Variants in GOLM2 observed in about 807,000 individuals in gnomAD.
GOLM2 encodes the protein protein GOLM2.
In GOLM2, 26 loss-of-function variants were observed where a neutral mutation model predicts 55.9. That is an observed-to-expected ratio of 0.47 (90% confidence interval 0.34 to 0.65). GOLM2 has a LOEUF of 0.65. Among genes scored for constraint, GOLM2 ranks in the 30% least tolerant of loss-of-function variants. GOLM2 has a pLI of 0.01. For synonymous variants in GOLM2, 165 were observed against 194.6 expected (o/e 0.85, Z 1.27); for missense variants, 486 against 531.8 (o/e 0.91, Z 0.85).
Position 44,328,776 on chromosome 15 carries a change from A to G in GOLM2, c.474A>G (p.Leu158=), listed in dbSNP as rs905433042. 1 of 1,597,726 alleles carries G rather than the reference A, an allele frequency of 6.3e-7. No individual in the cohort carries two copies. Among genetic ancestry groups the G allele is most frequent in the Non-Finnish European group, 8.5e-7 (1 of 1,171,564 alleles). ...ACAATACTTACCTTGTGAAGAGGTT[A>G]GAATATGAAAGGTAAGATGTTACAT... ...RKNNTYLVKR[L]EYESFQCGQQ... is the part of the protein sequence containing the mutation. Residue 158 remains leucine, a synonymous_variant, in exon 3 of 10, where the codon TTA becomes TTG. Transcript: ENST00000299957.
At chr15:44,412,706 G>T (rs964864216) in intron 9 of GOLM2, among the ~76,000 whole-genome samples, 1 of 151,998 alleles carries the variant, frequency 6.6e-6, no homozygotes, top group Non-Finnish European at 1.5e-5. Context: ...CATCTATATA[G>T]AAATAATATA....
At chr15:44,336,821 C>T (rs370974125) in intron 4 of GOLM2, among the ~76,000 whole-genome samples, 1 of 151,984 alleles carries the variant, frequency 6.6e-6, no homozygotes, top group South Asian at 2.1e-4. Flanking sequence ...GAGGCTAAGG[C>T]AGGAGAATGG....
intron 6 of GOLM2, among the ~76,000 whole-genome samples, chr15:44,366,963 T>A (rs1595651927): frequency 6.6e-6 from 1 of 152,262 alleles, no homozygotes; most frequent in East Asian, 1.9e-4. Context: ...GAGGAAAAAA[T>A]TAAGCTATAA....
chr15:44,402,965 G>A lies in GOLM2; in HGVS notation c.1151G>A (p.Gly384Asp), dbSNP rs1595669025. Residue 384 changes from glycine (G) to aspartate (D), a missense_variant, in exon 9 of 10, where the codon GGT (glycine) becomes GAT (aspartate). Coordinates refer to ENST00000299957, the MANE Select transcript of GOLM2 (RefSeq NM_138423.4). Reference sequence around the variant, plus strand: ...CTGGCGGATTATAATGGGGATGATGGTAACGTAGGTGAGTATGAGGCAGAC... The same window carrying A: ...CTGGCGGATTATAATGGGGATGATGATAACGTAGGTGAGTATGAGGCAGAC... The part of the protein sequence containing the change: ...SKLADYNGDD[G>D]NVGEYEADKQ... 3 of 1,614,034 alleles carry A rather than the reference G, an allele frequency of 1.9e-6. No individual in the cohort carries two copies. The highest frequency in any genetic ancestry group is 2.7e-5 in the African/African-American group (2 of 75,006).
intron 6 of GOLM2, among the ~76,000 whole-genome samples, chr15:44,340,556 C>T (rs2079084707): frequency 6.6e-6 from 1 of 152,206 alleles, no homozygotes; most frequent in South Asian, 2.1e-4. Context: ...TGGTGCCTAG[C>T]TGTAATTCGG....
intron 8 of GOLM2, among the ~76,000 whole-genome samples, chr15:44,389,569 C>T (rs1050432423): frequency 6.6e-6 from 1 of 152,016 alleles, no homozygotes; most frequent in Non-Finnish European, 1.5e-5. Context: ...GCACTTGATA[C>T]TCTGTAGGTA....
At chr15:44,343,890 C>A (rs1292198928) in intron 6 of GOLM2, among the ~76,000 whole-genome samples, 1 of 150,986 alleles carries the variant, frequency 6.6e-6, no homozygotes, top group Non-Finnish European at 1.5e-5. Flanking sequence ...TATATACTGA[C>A]AGTTTTGTTT....
At chr15:44,349,522 A>C (rs2079147706) in intron 6 of GOLM2, among the ~76,000 whole-genome samples, 1 of 152,190 alleles carries the variant, frequency 6.6e-6, no homozygotes, top group African/African-American at 2.4e-5. Context: ...GAGAAAGATA[A>C]ATTTCAATAC....
At chr15:44,325,148 C>T (rs1447737070) in intron 2 of GOLM2, among the ~76,000 whole-genome samples, 1 of 152,054 alleles carries the variant, frequency 6.6e-6, no homozygotes, top group East Asian at 1.9e-4. Context: ...GCCTAGTATC[C>T]ATCAGTTATT....
chr15:44,323,226 A>G (rs2078962978), intron 2 of GOLM2, among the ~76,000 whole-genome samples: 1 of 152,084 alleles, frequency 6.6e-6, no homozygotes, highest in Non-Finnish European at 1.5e-5. Context: ...AAAATTTGAG[A>G]TCTGTGTCTT....
chr15:44,320,396 T>C (rs1252899751), intron 1 of GOLM2, among the ~76,000 whole-genome samples: 1 of 152,212 alleles, frequency 6.6e-6, no homozygotes, highest in East Asian at 1.9e-4. Flanking sequence ...ACTCCTGGGC[T>C]CAAGTGATCC....
intron 8 of GOLM2, among the ~76,000 whole-genome samples, chr15:44,397,923 T>A (rs928251709): frequency 3.9e-5 from 6 of 152,208 alleles, no homozygotes; most frequent in African/African-American, 1.4e-4. Context: ...CTCTTTCTGC[T>A]CCATTATGAC....
intron 1 of GOLM2, among the ~76,000 whole-genome samples, chr15:44,291,375 C>A (rs1033953664): frequency 2.0e-5 from 3 of 152,146 alleles, no homozygotes; most frequent in Non-Finnish European, 4.4e-5. Context: ...CTGTATATTC[C>A]TTTCTCCCAA....
chr15:44,376,658 G>A (rs1486406014), intron 6 of GOLM2, among the ~76,000 whole-genome samples: 1 of 152,132 alleles, frequency 6.6e-6, no homozygotes, highest in Non-Finnish European at 1.5e-5. Flanking sequence ...GTATACACAA[G>A]TATCTCCTAT....
chr15:44,411,884 T>C (rs964730791), intron 9 of GOLM2, among the ~76,000 whole-genome samples: 2 of 151,638 alleles, frequency 1.3e-5, no homozygotes, highest in African/African-American at 2.4e-5. Context: ...AAGGCTCTCA[T>C]CAAAATACTT....
intron 6 of GOLM2, among the ~76,000 whole-genome samples, chr15:44,364,044 G>A (rs1470112683): frequency 2.0e-5 from 3 of 151,708 alleles, no homozygotes; most frequent in Admixed American, 6.6e-5. Context: ...GGACTGTTGT[G>A]GGGTGGGGGG....
At chr15:44,395,645 T>G (rs1347471176) in intron 8 of GOLM2, among the ~76,000 whole-genome samples, 1 of 151,702 alleles carries the variant, frequency 6.6e-6, no homozygotes, top group Non-Finnish European at 1.5e-5. Flanking sequence ...ATCAAGACCA[T>G]CCTGGCCAAC....
chr15:44,403,747 T>C (rs1156520221), intron 9 of GOLM2, among the ~76,000 whole-genome samples: 3 of 152,192 alleles, frequency 2.0e-5, no homozygotes, highest in Non-Finnish European at 2.9e-5. Flanking sequence ...GGTACAAATA[T>C]TGCCCAGGTA....
At chr15:44,322,881 G>C (rs1389555093) in intron 1 of GOLM2, 84 bp from the exon 2 acceptor site, 1 of 876,542 alleles carries the variant, frequency 1.1e-6, no homozygotes, top group East Asian at 2.8e-5. Flanking sequence ...TTGCATTTAT[G>C]ATCAAGCTCA....
Sources: allele counts gnomAD v4.1 joint callset (sites outside exome capture counted in the v4.1 genomes callset), GRCh38; gene constraint gnomAD v4.1.1; transcripts MANE v1.5; gene names NCBI Gene and HGNC (gene_info 2026-07-23, HGNC 2026-07-21).